RUNDC3B: variants seen among roughly 807,000 people sequenced by gnomAD.
The protein encoded by RUNDC3B is RUN domain containing 3B.
A neutral mutation model predicts 58.4 loss-of-function variants in RUNDC3B; 33 were observed. That is an observed-to-expected ratio of 0.56 (90% CI 0.43 to 0.75). RUNDC3B has a LOEUF of 0.75. RUNDC3B is among the 30% of genes least tolerant of loss of function. The probability of loss-of-function intolerance (pLI) is 0.00; values close to 1 mark genes in which losing one functional copy is unlikely to be tolerated. For missense variants in RUNDC3B, 501 were observed against 535.7 expected (o/e 0.94, Z 0.64); for synonymous variants, 193 against 195.2 (o/e 0.99, Z 0.10).
chr7:87,804,680 A>G (rs954859995), intron 8 of RUNDC3B, among the ~76,000 whole-genome samples: 5 of 152,184 alleles, frequency 3.3e-5, no homozygotes, highest in Non-Finnish European at 5.9e-5. Context: ...TGACTTATAG[A>G]TAAGTGATAA....
chr7:87,796,207 G>A (rs1312942757), intron 8 of RUNDC3B, among the ~76,000 whole-genome samples: 3 of 152,056 alleles, frequency 2.0e-5, no homozygotes, highest in Non-Finnish European at 4.4e-5. Flanking sequence ...GCCAGGAAGA[G>A]AAAGAAAAAT....
chr7:87,681,772 G>C (rs1272935630), intron 2 of RUNDC3B, among the ~76,000 whole-genome samples: 1 of 137,994 alleles, frequency 7.2e-6, no homozygotes. Context: ...CAGCACTTGG[G>C]AGCCAAGGCA....
intron 2 of RUNDC3B, among the ~76,000 whole-genome samples, chr7:87,689,689 A>G (rs28381736): frequency 0.016 from 2,367 of 152,280 alleles, 41 homozygotes; most frequent in South Asian, 0.023. Context: ...GGAGGGTATC[A>G]TAATAATAAT....
chr7:87,824,466 C>CT (rs199724871), intron 10 of RUNDC3B, among the ~76,000 whole-genome samples: 2,161 of 152,244 alleles, frequency 0.014, 50 homozygotes, highest in African/African-American at 0.047. Context: ...CATTAAACCT[C>CT]TTTTTTTCAC....
intron 8 of RUNDC3B, among the ~76,000 whole-genome samples, chr7:87,802,069 T>C (rs531192715): frequency 6.6e-6 from 1 of 152,326 alleles, no homozygotes; most frequent in African/African-American, 2.4e-5. Flanking sequence ...TTATATTGTA[T>C]TGCATTGTAT....
At chr7:87,812,301 G>A (rs1215947317) in intron 9 of RUNDC3B, among the ~76,000 whole-genome samples, 2 of 152,100 alleles carry the variant, frequency 1.3e-5, no homozygotes, top group Non-Finnish European at 2.9e-5. Context: ...ATTCCTACAA[G>A]TTTAATTTAA....
intron 2 of RUNDC3B, among the ~76,000 whole-genome samples, chr7:87,666,013 G>T (rs1825199587): frequency 6.6e-6 from 1 of 152,106 alleles, no homozygotes. Flanking sequence ...TAATGGGATT[G>T]CTGGGTCGAA....
At chr7:87,819,438 G>A (rs1056924878) in intron 10 of RUNDC3B, among the ~76,000 whole-genome samples, 12 of 151,922 alleles carry the variant, frequency 7.9e-5, no homozygotes, top group Non-Finnish European at 1.8e-4. Flanking sequence ...AATAATAATG[G>A]GAGACTTTAA....
intron 2 of RUNDC3B, among the ~76,000 whole-genome samples, chr7:87,695,043 T>A (rs1828382104): frequency 6.6e-6 from 1 of 152,134 alleles, no homozygotes; most frequent in Admixed American, 6.5e-5. Flanking sequence ...AGTGCCTAAA[T>A]GATATACTTG....
chr7:87,666,124 C>CT (rs1825216843), intron 2 of RUNDC3B, among the ~76,000 whole-genome samples: 1 of 152,028 alleles, frequency 6.6e-6, no homozygotes, highest in Admixed American at 6.6e-5. Context: ...TAAGCATCCC[C>CT]TTTTCTCTGC....
At position 87,777,861 on chromosome 7, in the gene RUNDC3B, A is replaced by G. The variant is rs574591822; in HGVS notation, c.862A>G (p.Lys288Glu). Residue 288 changes from lysine (K) to glutamate (E), a missense_variant, in exon 8 of 11, where the codon AAA becomes GAA. By Grantham distance (56) the Lys-to-Glu change is moderately conservative. Transcript: ENST00000394654. The stretch of plus-strand genomic sequence containing the variant: ...ACTATCTGAATCTGTCTCCCAGAAT[A>G]AAATACTACTTCAAAGGATTGAAGA... ...NQLSESVSQN[K>E]ILLQRIEDSD... 3 of 1,613,504 alleles carry G rather than the reference A, an allele frequency of 1.9e-6. No homozygotes were observed. Among genetic ancestry groups the G allele is most frequent in the Non-Finnish European group, 8.5e-7 (1 of 1,179,524 alleles).
chr7:87,799,442 G>T (rs1836000777), intron 8 of RUNDC3B, among the ~76,000 whole-genome samples: 1 of 151,932 alleles, frequency 6.6e-6, no homozygotes, highest in South Asian at 2.1e-4. Context: ...TTCAGTAATT[G>T]CTACCTAGGT....
chr7:87,702,609 T>C (rs1021471643), intron 3 of RUNDC3B, among the ~76,000 whole-genome samples: 1 of 152,120 alleles, frequency 6.6e-6, no homozygotes, highest in Non-Finnish European at 1.5e-5. Flanking sequence ...AATATTTAAG[T>C]TTCCAGTTTT....
intron 7 of RUNDC3B, among the ~76,000 whole-genome samples, chr7:87,771,779 C>T (rs1366122548): frequency 1.3e-5 from 2 of 152,064 alleles, no homozygotes; most frequent in Non-Finnish European, 2.9e-5. Flanking sequence ...GGAAATTGAA[C>T]CTAGAATGTA....
chr7:87,761,575 T>C (rs1833683800), intron 6 of RUNDC3B, among the ~76,000 whole-genome samples: 1 of 151,882 alleles, frequency 6.6e-6, no homozygotes, highest in Non-Finnish European at 1.5e-5. Context: ...ATGCAAGTGT[T>C]CACCAGTTGG....
chr7:87,749,785 C>T lies in RUNDC3B; in HGVS notation c.629+8206C>T, dbSNP rs1441991052. 2.6e-5 allele frequency among the ~76,000 whole-genome samples: 4 copies of T among 152,100 alleles called. No individual in the cohort carries two copies. The East Asian group carries it at 7.7e-4, about 29-fold the overall frequency. On this transcript the variant is annotated intron_variant, in intron 6 of 10. Transcript: ENST00000394654. ...CTCCTTATCTTACCTTCAAGAAAAG[C>T]TGCTAGAAACATTCTTAACATTTTG... is the stretch of plus-strand genomic sequence containing the variant.
intron 6 of RUNDC3B, among the ~76,000 whole-genome samples, chr7:87,752,610 G>GT (rs1833084334): frequency 6.6e-6 from 1 of 152,176 alleles, no homozygotes. Context: ...TTGGGAGAGT[G>GT]TATGTGTTGA....
intron 6 of RUNDC3B, among the ~76,000 whole-genome samples, chr7:87,761,077 C>G (rs573277175): frequency 6.6e-6 from 1 of 151,934 alleles, no homozygotes; most frequent in East Asian, 1.9e-4. Flanking sequence ...AAATCATACA[C>G]AAAATCAGGG....
At chr7:87,779,081 A>G (rs1834800855) in intron 8 of RUNDC3B, among the ~76,000 whole-genome samples, 1 of 152,082 alleles carries the variant, frequency 6.6e-6, no homozygotes, top group African/African-American at 2.4e-5. Context: ...TTCATTTCTT[A>G]CTGCTTCAGT....
Sources: gnomAD v4.1 joint callset for allele counts (sites outside exome capture counted in the v4.1 genomes callset) on GRCh38, gnomAD v4.1.1 for gene constraint, MANE v1.5 for transcripts, NCBI Gene and HGNC (gene_info 2026-07-23, HGNC 2026-07-21) for gene names.